The following NXPH1 variants were observed in gnomAD, a reference collection of about 807,000 sequenced individuals.
The protein encoded by NXPH1 is neurexophilin-1.
In NXPH1, 5 loss-of-function variants were observed where a neutral mutation model predicts 23.7. That is an observed-to-expected ratio of 0.21 (90% CI 0.11 to 0.44). NXPH1 has a LOEUF of 0.44. NXPH1 is among the 20% of genes least tolerant of loss of function. The pLI is 0.99. For synonymous variants in NXPH1, 144 were observed against 122.2 expected (o/e 1.18, Z -1.18); for missense variants, 324 against 321.6 (o/e 1.01, Z -0.06).
chr7:8,517,548 T>C (rs1265912898), intron 2 of NXPH1, among the ~76,000 whole-genome samples: 1 of 152,130 alleles, frequency 6.6e-6, no homozygotes, highest in Non-Finnish European at 1.5e-5. Context: ...TTTGGTTATG[T>C]TGCTTAAGAT....
intron 2 of NXPH1, among the ~76,000 whole-genome samples, chr7:8,501,771 G>A (rs1423065848): frequency 6.6e-6 from 1 of 152,030 alleles, no homozygotes; most frequent in African/African-American, 2.4e-5. Context: ...AGCAAGTAAA[G>A]ATAGGGCTGT....
At chr7:8,659,471 C>T (rs1009370872) in intron 2 of NXPH1, among the ~76,000 whole-genome samples, 6 of 152,152 alleles carry the variant, frequency 3.9e-5, no homozygotes, top group Non-Finnish European at 8.8e-5. Context: ...TCTCAGCAAA[C>T]TATCGCAAGG....
intron 2 of NXPH1, among the ~76,000 whole-genome samples, chr7:8,652,490 T>G (rs1396680557): frequency 6.6e-6 from 1 of 152,200 alleles, no homozygotes; most frequent in Non-Finnish European, 1.5e-5. Context: ...AACAAAATTC[T>G]ATTACATGAT....
intron 2 of NXPH1, among the ~76,000 whole-genome samples, chr7:8,589,956 CAAT>C (rs1819058517): frequency 1.3e-5 from 2 of 152,060 alleles, no homozygotes; most frequent in Admixed American, 1.3e-4. Flanking sequence ...TTCAAGTGCC[CAAT>C]AACCACATGG....
chr7:8,737,297 C>T (rs528201020), intron 2 of NXPH1, among the ~76,000 whole-genome samples: 73 of 152,210 alleles, frequency 4.8e-4, no homozygotes, highest in African/African-American at 1.7e-3. Context: ...TTTAGTGCTT[C>T]CTTCAGGAGC....
At chr7:8,656,676 A>G (rs1820588227) in intron 2 of NXPH1, among the ~76,000 whole-genome samples, 1 of 151,948 alleles carries the variant, frequency 6.6e-6, no homozygotes. Flanking sequence ...TATATCTCCC[A>G]ATGCTATCCC....
intron 2 of NXPH1, among the ~76,000 whole-genome samples, chr7:8,678,233 G>C (rs1212049459): frequency 6.6e-6 from 1 of 152,086 alleles, no homozygotes; most frequent in East Asian, 1.9e-4. Context: ...CCAAGTTATG[G>C]GTTCAGAAGC....
At chr7:8,495,507 T>C (rs1255502320) in intron 2 of NXPH1, among the ~76,000 whole-genome samples, 1 of 152,040 alleles carries the variant, frequency 6.6e-6, no homozygotes, top group Non-Finnish European at 1.5e-5. Context: ...GCTGGTTTTC[T>C]GTAGATTGAC....
At chr7:8,682,587 A>C (rs1433413854) in intron 2 of NXPH1, among the ~76,000 whole-genome samples, 2 of 152,338 alleles carry the variant, frequency 1.3e-5, no homozygotes, top group Admixed American at 6.5e-5. Flanking sequence ...CTGGGGAAAA[A>C]TCACTTGAAA....
intron 2 of NXPH1, among the ~76,000 whole-genome samples, chr7:8,501,689 G>A (rs778423935): frequency 2.0e-5 from 3 of 152,058 alleles, no homozygotes; most frequent in Non-Finnish European, 4.4e-5. Flanking sequence ...GAGGTTTAGA[G>A]CAAGGAGCAA....
intron 2 of NXPH1, among the ~76,000 whole-genome samples, chr7:8,452,613 A>G (rs1816526548): frequency 6.6e-6 from 1 of 152,182 alleles, no homozygotes; most frequent in Admixed American, 6.5e-5. Flanking sequence ...GCAATTAATT[A>G]GGATCCTAGG....
Position 8,505,093 on chromosome 7 carries a change from A to G in NXPH1, c.54+69326A>G, listed in dbSNP as rs186515229. Among the ~76,000 whole-genome samples the G allele has an allele frequency of 1.9e-3, 294 of 152,034 alleles. 2 individuals are homozygous for G. The highest frequency in any genetic ancestry group is 6.7e-3 in the African/African-American group (279 of 41,480). ...AGGGGATCAAATTTTTTTTAAATTC[A>G]ATTTTTTGTCATTTTTTGGTTAAAT... On this transcript the variant is annotated intron_variant, in intron 2 of 2. Transcript: ENST00000405863.
intron 2 of NXPH1, among the ~76,000 whole-genome samples, chr7:8,533,920 C>T (rs1016806875): frequency 6.6e-6 from 1 of 151,588 alleles, no homozygotes; most frequent in East Asian, 2.0e-4. Context: ...TGCCTCAGTT[C>T]ACTGACGTTG....
intron 2 of NXPH1, among the ~76,000 whole-genome samples, chr7:8,579,265 G>T (rs1818817505): frequency 6.6e-6 from 1 of 152,116 alleles, no homozygotes; most frequent in Admixed American, 6.6e-5. Flanking sequence ...CAGATTCAGT[G>T]ATGGCAAAGA....
chr7:8,655,758 T>C (rs7782338), intron 2 of NXPH1, among the ~76,000 whole-genome samples: 107,542 of 152,032 alleles, frequency 0.71, 38,793 homozygotes, highest in East Asian at 1. Context: ...TAAGGATCTG[T>C]TTTTTCAGAC....
At chr7:8,735,460 A>G (rs1455957228) in intron 2 of NXPH1, among the ~76,000 whole-genome samples, 1 of 152,168 alleles carries the variant, frequency 6.6e-6, no homozygotes, top group Non-Finnish European at 1.5e-5. Flanking sequence ...TGTATGTTGA[A>G]CCAGCCTTGC....
intron 2 of NXPH1, among the ~76,000 whole-genome samples, chr7:8,650,270 A>G (rs1406816779): frequency 6.6e-6 from 1 of 152,246 alleles, no homozygotes; most frequent in African/African-American, 2.4e-5. Context: ...TTTGCTAAAT[A>G]TGTAAAAAAT....
chr7:8,467,706 G>T (rs1483565192), intron 2 of NXPH1, among the ~76,000 whole-genome samples: 1 of 152,114 alleles, frequency 6.6e-6, no homozygotes, highest in Non-Finnish European at 1.5e-5. Context: ...AGGGGAATCA[G>T]GTTGAAACTA....
chr7:8,718,162 T>TGTCACTTA (rs925810352), intron 2 of NXPH1, among the ~76,000 whole-genome samples: 9 of 152,304 alleles, frequency 5.9e-5, no homozygotes, highest in African/African-American at 2.2e-4. Context: ...GCAGTTTTAC[T>TGTCACTTA]TACAGTGACA....
Sources: gnomAD v4.1 joint callset for allele counts (sites outside exome capture counted in the v4.1 genomes callset) on GRCh38, gnomAD v4.1.1 for gene constraint, MANE v1.5 for transcripts, NCBI Gene and HGNC (gene_info 2026-07-23, HGNC 2026-07-21) for gene names.